The following DACH1 variants were observed in gnomAD, a reference collection of about 807,000 sequenced individuals.
The protein encoded by DACH1 is dachshund family transcription factor 1.
A neutral mutation model predicts 54.2 loss-of-function variants in DACH1; 12 were observed. The ratio of observed to expected loss-of-function variants is 0.22; its 90% confidence interval spans 0.14 to 0.36. DACH1 has a LOEUF of 0.36. DACH1 is among the 10% of genes least tolerant of loss of function. The probability of loss-of-function intolerance (pLI) is 1.00; values close to 1 mark genes in which losing one functional copy is unlikely to be tolerated. For missense variants in DACH1, 805 were observed against 929.8 expected, an observed-to-expected ratio of 0.87 and a Z score of 1.75; for synonymous variants, 386 against 366.2, an observed-to-expected ratio of 1.05 and a Z score of -0.62.
At chr13:71,787,403 T>C (rs1342618084) in intron 1 of DACH1, among the ~76,000 whole-genome samples, 6 of 152,144 alleles carry the variant, frequency 3.9e-5, no homozygotes, top group Non-Finnish European at 7.4e-5. Flanking sequence ...TTTATTAGAG[T>C]ATTTTTTACA....
At chr13:71,552,893 C>CTAA (rs1481673399) in intron 6 of DACH1, among the ~76,000 whole-genome samples, 1 of 100,016 alleles carries the variant, frequency 1.0e-5, no homozygotes, top group East Asian at 2.9e-4. Context: ...AGAGACAGAA[C>CTAA]TAATAGACCA....
At chr13:71,821,888 C>T (rs150845482) in intron 1 of DACH1, among the ~76,000 whole-genome samples, 1,768 of 152,156 alleles carry the variant, frequency 0.012, 34 homozygotes, top group African/African-American at 0.041. Flanking sequence ...TGGTGAAACC[C>T]TGTCTCTACT....
At chr13:71,511,932 C>T (rs1488321493) in intron 6 of DACH1, among the ~76,000 whole-genome samples, 1 of 151,886 alleles carries the variant, frequency 6.6e-6, no homozygotes, top group East Asian at 1.9e-4. Flanking sequence ...GGCCTTGGGT[C>T]CTGCTTCTAG....
In DACH1 at chr13:71,531,928, A is replaced by ATG. The variant is rs570986090; in HGVS notation, c.1570+25094_1570+25095dup. ...TCTTTTGAGGAATAATCACATATATATGTGTGTGTATATACATGTGCATGT... is the reference window on the plus strand; with the variant it reads ...TCTTTTGAGGAATAATCACATATATATGTGTGTGTGTATATACATGTGCATGT... On this transcript the variant is annotated intron_variant, in intron 6 of 10. Coordinates refer to ENST00000613252, the MANE Select transcript of DACH1 (RefSeq NM_080759.6). 3.2e-3 allele frequency among the ~76,000 whole-genome samples: 493 copies of ATG among 151,826 alleles called. 3 individuals are homozygous for ATG. Among genetic ancestry groups the ATG allele is most frequent in the African/African-American group, 0.011 (464 of 41,496 alleles).
intron 6 of DACH1, among the ~76,000 whole-genome samples, chr13:71,502,855 C>T (rs1880031208): frequency 6.6e-6 from 1 of 152,224 alleles, no homozygotes; most frequent in African/African-American, 2.4e-5. Flanking sequence ...AGCACTGGGA[C>T]TTCCCATTGC....
At chr13:71,592,334 T>C (rs1443633484) in intron 3 of DACH1, among the ~76,000 whole-genome samples, 1 of 150,442 alleles carries the variant, frequency 6.6e-6, no homozygotes, top group Non-Finnish European at 1.5e-5. Context: ...CAACAAAAAA[T>C]AATTAAAACT....
intron 2 of DACH1, among the ~76,000 whole-genome samples, chr13:71,657,239 G>A (rs1282158373): frequency 6.6e-6 from 1 of 151,756 alleles, no homozygotes; most frequent in African/African-American, 2.4e-5. Context: ...CATTGTACAT[G>A]GTTGACATTC....
At chr13:71,689,005 A>G (rs1468974631) in intron 1 of DACH1, among the ~76,000 whole-genome samples, 3 of 152,326 alleles carry the variant, frequency 2.0e-5, no homozygotes, top group African/African-American at 7.2e-5. Flanking sequence ...ATGGGGTAAC[A>G]TAGGCATTTA....
At chr13:71,479,050 A>T in intron 8 of DACH1, 119 bp downstream of exon 8, 1 of 926,304 alleles carries the variant, frequency 1.1e-6, no homozygotes, top group Non-Finnish European at 1.5e-6. Context: ...TTCTGCTCTG[A>T]ACTTTAGCTA....
At position 71,565,699 on chromosome 13, in the gene DACH1, A is replaced by G. The variant is rs1566345937; in HGVS notation, c.1300-5744T>C. ...TTTAAAAAAAAACTTTGATTATGGA[A>G]CTCCATAAATACTCAAGTTTTCTAA... On this transcript the variant is annotated intron_variant, in intron 4 of 10. Coordinates refer to ENST00000613252, the MANE Select transcript of DACH1 (RefSeq NM_080759.6). 2.6e-5 allele frequency among the ~76,000 whole-genome samples: 4 copies of G among 152,058 alleles called. No individual in the cohort carries two copies. The South Asian group carries it at 8.3e-4, about 32-fold the overall frequency.
At chr13:71,543,783 C>T (rs923175282) in intron 6 of DACH1, among the ~76,000 whole-genome samples, 2 of 152,102 alleles carry the variant, frequency 1.3e-5, no homozygotes, top group South Asian at 2.1e-4. Context: ...ATAGGTCATG[C>T]GTAGTCTCTG....
intron 9 of DACH1, 31 bp downstream of exon 9, chr13:71,475,675 G>C (rs1414927970): frequency 1.9e-6 from 3 of 1,583,718 alleles, no homozygotes; most frequent in East Asian, 2.3e-5. Flanking sequence ...AAAAATGACA[G>C]TTATTCATGC....
At chr13:71,572,418 T>G (rs2138414071) in intron 4 of DACH1, among the ~76,000 whole-genome samples, 1 of 152,250 alleles carries the variant, frequency 6.6e-6, no homozygotes, top group African/African-American at 2.4e-5. Context: ...CCACACTGGA[T>G]TATGCCTTTA....
intron 6 of DACH1, among the ~76,000 whole-genome samples, chr13:71,496,111 T>A (rs572112198): frequency 7.0e-4 from 106 of 151,640 alleles, no homozygotes; most frequent in African/African-American, 2.4e-3. Flanking sequence ...CATGAATCTG[T>A]AATCCCAGCT....
intron 10 of DACH1, among the ~76,000 whole-genome samples, chr13:71,471,991 A>G (rs1311372891): frequency 2.0e-5 from 3 of 152,178 alleles, no homozygotes; most frequent in Non-Finnish European, 4.4e-5. Context: ...AACTCTGTCT[A>G]CTTTATAGAT....
chr13:71,762,768 CAAAAAAAAAAA>C (rs34543654), intron 1 of DACH1, among the ~76,000 whole-genome samples: 7 of 71,178 alleles, frequency 9.8e-5, no homozygotes, highest in African/African-American at 3.1e-4. Context: ...AACTTTGTCT[CAAAAAAAAAAA>C]AAAAAAAAAA....
At chr13:71,682,777 C>T (rs1017706417) in intron 1 of DACH1, among the ~76,000 whole-genome samples, 1 of 151,988 alleles carries the variant, frequency 6.6e-6, no homozygotes, top group Non-Finnish European at 1.5e-5. Flanking sequence ...GCCTATTGCA[C>T]AAGATTAATT....
chr13:71,789,223 T>C (rs1218166452), intron 1 of DACH1, among the ~76,000 whole-genome samples: 2 of 152,080 alleles, frequency 1.3e-5, no homozygotes, highest in Non-Finnish European at 2.9e-5. Context: ...CACAGTGCAT[T>C]TAATTTAGGA....
intron 1 of DACH1, among the ~76,000 whole-genome samples, chr13:71,837,807 T>C (rs1434548636): frequency 1.3e-5 from 2 of 148,796 alleles, no homozygotes; most frequent in Non-Finnish European, 3.0e-5. Flanking sequence ...ATATACACCA[T>C]GGAATACTAT....
Sources: allele counts gnomAD v4.1 joint callset (sites outside exome capture counted in the v4.1 genomes callset), GRCh38; gene constraint gnomAD v4.1.1; transcripts MANE v1.5; gene names NCBI Gene and HGNC (gene_info 2026-07-23, HGNC 2026-07-21).